NEK5: variants seen among roughly 807,000 people sequenced by gnomAD.
NEK5 encodes the protein NIMA related kinase 5, also known as serine/threonine-protein kinase Nek5.
NEK5 carries 88 observed loss-of-function variants against 109.2 expected under a neutral mutation model. The observed-to-expected ratio is 0.81, with a 90% CI of 0.68 to 0.96. The LOEUF is 0.96. Among genes scored for constraint, NEK5 ranks in the 40% least tolerant of loss-of-function variants. The probability of loss-of-function intolerance (pLI) is 0.00; values close to 1 mark genes in which losing one functional copy is unlikely to be tolerated. For missense variants in NEK5, 834 were observed against 920.7 expected (o/e 0.91, Z 1.22); for synonymous variants, 283 against 299.9 (o/e 0.94, Z 0.58).
intron 23 of NEK5, among the ~76,000 whole-genome samples, chr13:52,041,728 C>CAAAAAAAAAA (rs60216367): frequency 1.4e-3 from 67 of 48,114 alleles, no homozygotes; most frequent in African/African-American, 6.0e-3. Context: ...AACTCTGTCT[C>CAAAAAAAAAA]AAAAAAAAAA....
chr13:52,103,851 T>A (rs1955592884), intron 9 of NEK5, among the ~76,000 whole-genome samples: 1 of 152,206 alleles, frequency 6.6e-6, no homozygotes, highest in Non-Finnish European at 1.5e-5. Flanking sequence ...ATTTGGCACA[T>A]CCCATGTGAC....
At chr13:52,107,373 G>A (rs1222009630) in intron 8 of NEK5, among the ~76,000 whole-genome samples, 1 of 151,966 alleles carries the variant, frequency 6.6e-6, no homozygotes, top group Non-Finnish European at 1.5e-5. Flanking sequence ...CAGGCAGATC[G>A]TGAGGTCAGG....
At chr13:52,041,489 AG>A (rs1475127245) in intron 23 of NEK5, among the ~76,000 whole-genome samples, 1 of 152,110 alleles carries the variant, frequency 6.6e-6, no homozygotes, top group Non-Finnish European at 1.5e-5. Context: ...GCACTTTGGG[AG>A]GCTGAGGCAG....
At chr13:52,122,931 T>C (rs1043493676) in intron 3 of NEK5, among the ~76,000 whole-genome samples, 1 of 152,240 alleles carries the variant, frequency 6.6e-6, no homozygotes, top group Non-Finnish European at 1.5e-5. Flanking sequence ...ATTTTCTCCT[T>C]TGGCTCTTTT....
intron 21 of NEK5, among the ~76,000 whole-genome samples, chr13:52,063,165 C>T (rs1954628980): frequency 6.6e-6 from 1 of 152,166 alleles, no homozygotes; most frequent in Admixed American, 6.5e-5. Flanking sequence ...CTCACTGCAA[C>T]CTCCCTGCCT....
chr13:52,077,361 A>G (rs1954887428), intron 17 of NEK5, among the ~76,000 whole-genome samples: 1 of 152,224 alleles, frequency 6.6e-6, no homozygotes, highest in Non-Finnish European at 1.5e-5. Flanking sequence ...TACATTAGAC[A>G]TCCAGCAATG....
At chr13:52,052,165 T>C (rs1178943125) in intron 22 of NEK5, among the ~76,000 whole-genome samples, 1 of 143,770 alleles carries the variant, frequency 7.0e-6, no homozygotes, top group Non-Finnish European at 1.5e-5. Flanking sequence ...TTACACATAG[T>C]AATTGATTTC....
At chr13:52,072,533 C>T (rs1954801234) in intron 19 of NEK5, among the ~76,000 whole-genome samples, 1 of 152,114 alleles carries the variant, frequency 6.6e-6, no homozygotes, top group African/African-American at 2.4e-5. Context: ...TTTTGGACTC[C>T]ATTCTTTCAT....
chr13:52,044,514 C>G (rs1168130673), intron 23 of NEK5, among the ~76,000 whole-genome samples: 1 of 151,944 alleles, frequency 6.6e-6, no homozygotes, highest in Non-Finnish European at 1.5e-5. Flanking sequence ...AATCTACAAA[C>G]AAATTGTGGT....
At chr13:52,051,453 C>T (rs1054173794) in intron 22 of NEK5, among the ~76,000 whole-genome samples, 1 of 152,178 alleles carries the variant, frequency 6.6e-6, no homozygotes, top group African/African-American at 2.4e-5. Flanking sequence ...GGTCTGTTTT[C>T]CTAGTGGAGT....
At position 52,075,794 on chromosome 13, in the gene NEK5, T is replaced by C. The variant is rs1433607361; in HGVS notation, c.1686A>G (p.Lys562=). Residue 562 remains lysine, a synonymous_variant, in exon 19 of 24, where the codon AAA becomes AAG. Transcript: ENST00000684899. ...GGAGGATGTTTTCATCAGAAATACA[T>C]TTGTCTAAATTAATTTCAAATTTTA... ...KGVKFEINLD[K]CISDENILQE... The C allele has an allele frequency of 6.3e-7, 1 of 1,575,184 alleles. No individual in the cohort carries two copies. Among genetic ancestry groups the C allele is most frequent in the Non-Finnish European group, 8.6e-7 (1 of 1,161,990 alleles).
At chr13:52,042,037 AAGTT>A (rs536980603) in intron 23 of NEK5, among the ~76,000 whole-genome samples, 43 of 152,120 alleles carry the variant, frequency 2.8e-4, no homozygotes, top group African/African-American at 9.9e-4. Flanking sequence ...ATCAGGGAGA[AAGTT>A]AGCATCCCTA....
intron 13 of NEK5, among the ~76,000 whole-genome samples, chr13:52,092,473 C>T (rs1566785921): frequency 6.6e-6 from 1 of 151,918 alleles, no homozygotes; most frequent in Non-Finnish European, 1.5e-5. Flanking sequence ...GCCTGTAGTC[C>T]CAGCACTTTA....
At chr13:52,102,349 T>C (rs909577532) in intron 9 of NEK5, 57 bp from the exon 10 acceptor site, 1 of 1,331,440 alleles carries the variant, frequency 7.5e-7, no homozygotes, top group African/African-American at 1.4e-5. Context: ...AAGTAACAAA[T>C]AATAAAAGTG....
intron 23 of NEK5, among the ~76,000 whole-genome samples, chr13:52,040,827 C>T (rs1260217832): frequency 6.6e-6 from 1 of 152,144 alleles, no homozygotes; most frequent in East Asian, 1.9e-4. Context: ...GTTAATTTCT[C>T]AACATAGATG....
intron 23 of NEK5, among the ~76,000 whole-genome samples, chr13:52,047,422 A>G (rs1230986915): frequency 6.6e-6 from 1 of 152,228 alleles, no homozygotes; most frequent in African/African-American, 2.4e-5. Flanking sequence ...CACAAGAAGC[A>G]GATTAGATTG....
At chr13:52,079,490 CG>C in intron 17 of NEK5, among the ~76,000 whole-genome samples, 1 of 151,870 alleles carries the variant, frequency 6.6e-6, no homozygotes, top group East Asian at 1.9e-4. Flanking sequence ...TTGGTGGAGA[CG>C]GGGTTTCGCT....
intron 21 of NEK5, among the ~76,000 whole-genome samples, chr13:52,064,238 C>G (rs1954647858): frequency 6.9e-6 from 1 of 145,396 alleles, no homozygotes; most frequent in Non-Finnish European, 1.5e-5. Context: ...GGGGGTCAGC[C>G]CCCCGCCCAG....
chr13:52,057,422 G>C, intron 22 of NEK5, among the ~76,000 whole-genome samples: 1 of 151,678 alleles, frequency 6.6e-6, no homozygotes, highest in Non-Finnish European at 1.5e-5. Flanking sequence ...AATAGAAAAA[G>C]AGGGAATCCT....
Sources: gnomAD v4.1 joint callset for allele counts (sites outside exome capture counted in the v4.1 genomes callset) on GRCh38, gnomAD v4.1.1 for gene constraint, MANE v1.5 for transcripts, NCBI Gene and HGNC (gene_info 2026-07-23, HGNC 2026-07-21) for gene names.